GON4L: variants seen among roughly 807,000 people sequenced by gnomAD.
GON4L encodes the protein gon-4 like, also known as GON-4-like protein.
GON4L carries 87 observed loss-of-function variants against 211.8 expected under a neutral mutation model. That is an observed-to-expected ratio of 0.41 (90% confidence interval 0.35 to 0.49). GON4L has a LOEUF of 0.49. Among genes scored for constraint, GON4L ranks in the 20% least tolerant of loss-of-function variants. GON4L has a pLI of 0.15. For missense variants in GON4L, 2,155 were observed against 2,659.5 expected (o/e 0.81, Z 4.17); for synonymous variants, 875 against 962.6 (o/e 0.91, Z 1.68).
chr1:155,754,547 T>G (rs1660962679), intron 27 of GON4L, 59 bp from the exon 28 acceptor site: 2 of 955,264 alleles, frequency 2.1e-6, no homozygotes, highest in African/African-American at 2.0e-5. Flanking sequence ...TTTTTTTTTT[T>G]GAGACAGAGT....
intron 2 of GON4L, among the ~76,000 whole-genome samples, chr1:155,830,198 T>G (rs1669622888): frequency 6.7e-6 from 1 of 149,316 alleles, no homozygotes; most frequent in African/African-American, 2.5e-5. Context: ...AATCTGTCCC[T>G]CTAGGCCTCC....
At chr1:155,748,690 C>T (rs1348337587), downstream of GON4L, 4 of 1,613,760 alleles carry the variant, frequency 2.5e-6, no homozygotes, top group Non-Finnish European at 3.4e-6. Context: ...GGAGGAGCCA[C>T]CCCATGGACC....
At chr1:155,850,026 G>C (rs989509687) in intron 2 of GON4L, among the ~76,000 whole-genome samples, 1 of 149,016 alleles carries the variant, frequency 6.7e-6, no homozygotes, top group Non-Finnish European at 1.5e-5. Flanking sequence ...AAAAGGAAAG[G>C]CATGGGGAGA....
At chr1:155,850,664 A>T (rs1037127131) in intron 2 of GON4L, among the ~76,000 whole-genome samples, 1 of 152,214 alleles carries the variant, frequency 6.6e-6, no homozygotes, top group African/African-American at 2.4e-5. Context: ...ACAAGACACA[A>T]TAAAAAACCA....
intron 16 of GON4L, among the ~76,000 whole-genome samples, chr1:155,775,829 G>A (rs1296887365): frequency 1.3e-5 from 2 of 152,004 alleles, no homozygotes; most frequent in Non-Finnish European, 2.9e-5. Context: ...CTGCTGCCCA[G>A]GCTTGAGTGC....
intron 23 of GON4L, among the ~76,000 whole-genome samples, chr1:155,761,143 G>A (rs1661748061): frequency 6.6e-6 from 1 of 150,772 alleles, no homozygotes; most frequent in Non-Finnish European, 1.5e-5. Context: ...AGTTCTCCAG[G>A]ACACTACCAA....
At chr1:155,804,135 C>T (rs1666930663) in intron 11 of GON4L, among the ~76,000 whole-genome samples, 2 of 152,054 alleles carry the variant, frequency 1.3e-5, no homozygotes, top group Admixed American at 6.6e-5. Context: ...GTAATCCTAG[C>T]TCTCTGGGAG....
chr1:155,782,456 A>G (rs1289112949), intron 14 of GON4L, among the ~76,000 whole-genome samples: 1 of 152,164 alleles, frequency 6.6e-6, no homozygotes, highest in African/African-American at 2.4e-5. Flanking sequence ...CCTGGGAGCA[A>G]TATGTTATAC....
At chr1:155,835,377 CTTGT>C (rs904356029) in intron 2 of GON4L, among the ~76,000 whole-genome samples, 2 of 151,842 alleles carry the variant, frequency 1.3e-5, no homozygotes, top group African/African-American at 4.8e-5. Flanking sequence ...CCTTTGTTCA[CTTGT>C]TTATCTGCTG....
At chr1:155,786,052 C>T (rs530614882) in intron 12 of GON4L, among the ~76,000 whole-genome samples, 2 of 151,866 alleles carry the variant, frequency 1.3e-5, no homozygotes, top group East Asian at 1.9e-4. Context: ...GCCAAGACTG[C>T]GCCACTGCAC....
chr1:155,854,867 C>G (rs1177846182), intron 1 of GON4L, among the ~76,000 whole-genome samples: 1 of 152,054 alleles, frequency 6.6e-6, no homozygotes, highest in Non-Finnish European at 1.5e-5. Context: ...GAAACCCTGT[C>G]TCTACTAAAA....
At chr1:155,843,933 T>C (rs757037243) in intron 2 of GON4L, among the ~76,000 whole-genome samples, 6 of 152,208 alleles carry the variant, frequency 3.9e-5, no homozygotes, top group Non-Finnish European at 7.4e-5. Flanking sequence ...CTCCCAACCC[T>C]GTAGGGAACC....
chr1:155,814,051 T>C (rs781618506), intron 9 of GON4L, among the ~76,000 whole-genome samples: 11 of 152,210 alleles, frequency 7.2e-5, no homozygotes, highest in Non-Finnish European at 1.2e-4. Flanking sequence ...TTAATAACAA[T>C]GGCTTTAGGA....
At chr1:155,797,575 G>A (rs1307925204) in intron 11 of GON4L, among the ~76,000 whole-genome samples, 4 of 150,928 alleles carry the variant, frequency 2.7e-5, no homozygotes, top group African/African-American at 7.3e-5. Flanking sequence ...CAAGCATGGT[G>A]GCTCACGCCT....
In GON4L at chr1:155,808,885, TATGGAC is replaced by T. The variant is rs1291512095; in HGVS notation, c.1453-3750_1453-3745del. On this transcript the variant is annotated intron_variant, in intron 10 of 31. Transcript: ENST00000368331. ...CCTTGGCCTCCTAAAGTGTTGGGAT[TATGGAC>T]ATAAGCCACCAAACCGGACCCTGTT... Among the ~76,000 whole-genome samples the T allele has an allele frequency of 1.1e-4, 16 of 152,246 alleles. 1 individual carries two copies. The South Asian group carries it at 3.3e-3, about 32-fold the overall frequency.
rs372377480 is a variant in GON4L, at chr1:155,814,317, G to A, written c.1281+13C>T. On this transcript the variant is annotated intron_variant, in intron 9 of 31. Transcript: ENST00000368331. ...GTTATGTCTAACATCTCTTTTGTAT[G>A]ATGCCGATTTACCTCTGATAATATG... 2.6e-5 allele frequency: 42 copies of A among 1,609,696 alleles called. No homozygotes were observed. The East Asian group carries it at 6.7e-4, about 26-fold the overall frequency.
intron 10 of GON4L, among the ~76,000 whole-genome samples, chr1:155,811,277 A>G (rs1337110442): frequency 1.3e-5 from 2 of 150,394 alleles, no homozygotes; most frequent in Non-Finnish European, 3.0e-5. Flanking sequence ...CTGTAGTCCC[A>G]GCTACTCGGG....
In GON4L at chr1:155,853,114, A is replaced by G. The variant is rs954896260; in HGVS notation, c.505+162T>C. ...TGACATGGCAAGACTCCGTCTCAAGAAAAAAAAAAAGTTCACTGTTGACCC... is the reference window on the plus strand; with the variant it reads ...TGACATGGCAAGACTCCGTCTCAAGGAAAAAAAAAAGTTCACTGTTGACCC... On this transcript the variant is annotated intron_variant, in intron 2 of 31. Transcript: ENST00000368331. Among the ~76,000 whole-genome samples, 8 of 148,352 alleles carry G rather than the reference A, an allele frequency of 5.4e-5. No individual in the cohort carries two copies. The East Asian group carries it at 1.4e-3, about 25-fold the overall frequency.
At chr1:155,787,393 A>G (rs1289921337) in intron 12 of GON4L, among the ~76,000 whole-genome samples, 3 of 152,224 alleles carry the variant, frequency 2.0e-5, no homozygotes, top group Non-Finnish European at 4.4e-5. Context: ...AGGCAAACAT[A>G]TCACTGAACT....
Sources: allele counts gnomAD v4.1 joint callset (sites outside exome capture counted in the v4.1 genomes callset), GRCh38; gene constraint gnomAD v4.1.1; transcripts MANE v1.5; gene names NCBI Gene and HGNC (gene_info 2026-07-23, HGNC 2026-07-21).